Variants in CSMD1 observed in about 807,000 individuals in gnomAD.
The protein encoded by CSMD1 is CUB and sushi domain-containing protein 1.
A neutral mutation model predicts 417.5 loss-of-function variants in CSMD1; 213 were observed. The ratio of observed to expected loss-of-function variants is 0.51; its 90% CI spans 0.46 to 0.57. The LOEUF (loss-of-function observed/expected upper bound fraction) is 0.57. Among genes scored for constraint, CSMD1 ranks in the 20% least tolerant of loss-of-function variants. CSMD1 has a pLI of 0.00. For missense variants in CSMD1, 6,923 were observed against 4,529.7 expected (o/e 1.53, Z -15.17); for synonymous variants, 2,862 against 1,736.8 (o/e 1.65, Z -16.11).
chr8:4,323,157 A>G (rs1563453118), intron 3 of CSMD1, among the ~76,000 whole-genome samples: 1 of 152,212 alleles, frequency 6.6e-6, no homozygotes, highest in Non-Finnish European at 1.5e-5. Context: ...TTGTACAATG[A>G]CAAGCTTTGG....
At chr8:3,807,804 C>G (rs78460348) in intron 5 of CSMD1, among the ~76,000 whole-genome samples, 2,460 of 152,228 alleles carry the variant, frequency 0.016, 53 homozygotes, top group East Asian at 0.038. Flanking sequence ...CAGGCAGATG[C>G]ACAGACCCTC....
At position 4,808,418 on chromosome 8, in the gene CSMD1, G is replaced by T. The variant is rs367707829; in HGVS notation, c.86-170860C>A. ...TTCTGTGAATTCAAAGGAAAAAGACGGAAACATGGATCTAAAGAATTAAGC... is the reference window on the plus strand; with the variant it reads ...TTCTGTGAATTCAAAGGAAAAAGACTGAAACATGGATCTAAAGAATTAAGC... On this transcript the variant is annotated intron_variant, in intron 1 of 69. Coordinates refer to ENST00000635120, the MANE Select transcript of CSMD1 (RefSeq NM_033225.6). 5.4e-4 allele frequency among the ~76,000 whole-genome samples: 82 copies of T among 152,222 alleles called. 1 individual carries two copies. The Middle Eastern group carries it at 0.017, about 32-fold the overall frequency.
intron 10 of CSMD1, among the ~76,000 whole-genome samples, chr8:3,554,419 G>A (rs543518490): frequency 1.3e-5 from 2 of 152,306 alleles, no homozygotes; most frequent in East Asian, 1.9e-4. Context: ...CTGGGGGTCT[G>A]GGGAGAGCCT....
chr8:4,584,150 G>A (rs150443542), intron 2 of CSMD1, among the ~76,000 whole-genome samples: 2,336 of 152,040 alleles, frequency 0.015, 66 homozygotes, highest in African/African-American at 0.053. Flanking sequence ...AACTCCAGAC[G>A]CGCCACCTTA....
intron 3 of CSMD1, among the ~76,000 whole-genome samples, chr8:4,399,583 A>AC (rs1289185402): frequency 1.3e-5 from 2 of 151,710 alleles, no homozygotes; most frequent in African/African-American, 2.4e-5. Flanking sequence ...TCTTTATACC[A>AC]CCCCTGGATC....
intron 23 of CSMD1, among the ~76,000 whole-genome samples, chr8:3,311,922 G>C (rs990884149): frequency 6.6e-6 from 1 of 152,108 alleles, no homozygotes; most frequent in African/African-American, 2.4e-5. Context: ...ACGTTATCCA[G>C]AATATGCCTC....
intron 10 of CSMD1, among the ~76,000 whole-genome samples, chr8:3,499,796 C>T (rs184911721): frequency 2.3e-4 from 35 of 152,160 alleles, no homozygotes; most frequent in African/African-American, 7.0e-4. Flanking sequence ...ATGATGGCTG[C>T]GTTCTCAAGA....
At chr8:4,755,967 A>C (rs1396812639) in intron 1 of CSMD1, among the ~76,000 whole-genome samples, 2 of 152,260 alleles carry the variant, frequency 1.3e-5, no homozygotes, top group African/African-American at 4.8e-5. Flanking sequence ...TTATTAACAA[A>C]ATCAAACTAT....
chr8:3,884,810 G>T (rs570793672), intron 5 of CSMD1, among the ~76,000 whole-genome samples: 3 of 151,690 alleles, frequency 2.0e-5, no homozygotes, highest in Non-Finnish European at 4.4e-5. Flanking sequence ...GGTACGCTAC[G>T]CAAGGAGAAT....
At chr8:4,899,228 T>G (rs1804704392) in intron 1 of CSMD1, among the ~76,000 whole-genome samples, 1 of 152,178 alleles carries the variant, frequency 6.6e-6, no homozygotes, top group South Asian at 2.1e-4. Context: ...AGCAAATACT[T>G]CAGAGAAGTT....
intron 3 of CSMD1, among the ~76,000 whole-genome samples, chr8:4,110,451 C>G (rs1455951148): frequency 2.0e-5 from 3 of 152,092 alleles, no homozygotes; most frequent in Non-Finnish European, 4.4e-5. Flanking sequence ...TTCCTTTAAG[C>G]CAGATCCCTC....
intron 7 of CSMD1, among the ~76,000 whole-genome samples, chr8:3,630,189 G>C (rs987710276): frequency 3.3e-5 from 5 of 152,210 alleles, no homozygotes; most frequent in Non-Finnish European, 7.3e-5. Context: ...CAGGCTCTCC[G>C]TCAGCTCCTG....
chr8:4,943,727 T>G (rs975670952), intron 1 of CSMD1, among the ~76,000 whole-genome samples: 1 of 152,166 alleles, frequency 6.6e-6, no homozygotes, highest in African/African-American at 2.4e-5. Flanking sequence ...TTTGAAGATA[T>G]CCATCATGAT....
intron 3 of CSMD1, among the ~76,000 whole-genome samples, chr8:4,101,181 A>G (rs889067813): frequency 4.6e-5 from 7 of 152,218 alleles, no homozygotes; most frequent in Non-Finnish European, 7.3e-5. Flanking sequence ...CCATCTGAAT[A>G]CATCTATATG....
chr8:4,752,630 G>T (rs907730584), intron 1 of CSMD1, among the ~76,000 whole-genome samples: 1 of 152,134 alleles, frequency 6.6e-6, no homozygotes, highest in Admixed American at 6.5e-5. Flanking sequence ...AGAGAGAGGG[G>T]AAAATTGATG....
At chr8:2,971,245 T>C (rs941316321) in intron 57 of CSMD1, among the ~76,000 whole-genome samples, 2 of 152,180 alleles carry the variant, frequency 1.3e-5, no homozygotes, top group Non-Finnish European at 2.9e-5. Context: ...GTTCGCCACC[T>C]AGATCATCTC....
chr8:3,397,668 G>T (rs143101995), intron 16 of CSMD1, among the ~76,000 whole-genome samples: 87 of 152,276 alleles, frequency 5.7e-4, no homozygotes, highest in Middle Eastern at 3.4e-3. Flanking sequence ...CTGGCTAAGC[G>T]TGAAAGCAAT....
At chr8:3,055,327 T>C (rs1483669782) in intron 49 of CSMD1, among the ~76,000 whole-genome samples, 1 of 152,170 alleles carries the variant, frequency 6.6e-6, no homozygotes, top group Non-Finnish European at 1.5e-5. Context: ...CAACCGGGAA[T>C]CTTTTTATGG....
intron 5 of CSMD1, among the ~76,000 whole-genome samples, chr8:3,778,497 C>T (rs1165234445): frequency 1.3e-5 from 2 of 152,190 alleles, no homozygotes; most frequent in Non-Finnish European, 2.9e-5. Context: ...AGTCCCATTG[C>T]CCCCATCCCT....
Sources: gnomAD v4.1 joint callset for allele counts (sites outside exome capture counted in the v4.1 genomes callset) on GRCh38, gnomAD v4.1.1 for gene constraint, MANE v1.5 for transcripts, NCBI Gene and HGNC (gene_info 2026-07-23, HGNC 2026-07-21) for gene names.